Variants in RABGAP1L observed in about 807,000 individuals in gnomAD.
The protein encoded by RABGAP1L is RAB GTPase activating protein 1 like, also known as rab GTPase-activating protein 1-like.
A neutral mutation model predicts 137.7 loss-of-function variants in RABGAP1L; 63 were observed. The ratio of observed to expected loss-of-function variants is 0.46; its 90% CI spans 0.37 to 0.56. The LOEUF (loss-of-function observed/expected upper bound fraction) is 0.56. Among genes scored for constraint, RABGAP1L ranks in the 20% least tolerant of loss-of-function variants. RABGAP1L has a pLI of 0.00. For missense variants in RABGAP1L, 1,095 were observed against 1,244.0 expected, an observed-to-expected ratio of 0.88 and a Z score of 1.80; for synonymous variants, 431 against 433.7, an observed-to-expected ratio of 0.99 and a Z score of 0.08.
chr1:174,515,123 A>G (rs1195771884), intron 13 of RABGAP1L, among the ~76,000 whole-genome samples: 2 of 152,104 alleles, frequency 1.3e-5, no homozygotes, highest in Admixed American at 6.6e-5. Flanking sequence ...ATGCGTTGTT[A>G]TTTACTATAG....
At chr1:174,505,368 A>T (rs1661721874) in intron 13 of RABGAP1L, among the ~76,000 whole-genome samples, 1 of 152,182 alleles carries the variant, frequency 6.6e-6, no homozygotes, top group Non-Finnish European at 1.5e-5. Flanking sequence ...CGTTTACTCT[A>T]GCCAGTTCTT....
intron 15 of RABGAP1L, among the ~76,000 whole-genome samples, chr1:174,696,734 G>A (rs1359652342): frequency 6.6e-6 from 1 of 152,226 alleles, no homozygotes; most frequent in Non-Finnish European, 1.5e-5. Context: ...TCTACACAGT[G>A]CTGGGGGGAT....
At chr1:174,743,327 G>C (rs768099878) in intron 17 of RABGAP1L, among the ~76,000 whole-genome samples, 1 of 151,982 alleles carries the variant, frequency 6.6e-6, no homozygotes, top group Non-Finnish European at 1.5e-5. Flanking sequence ...TTTTTTTTGA[G>C]AGACCTGAAG....
At chr1:174,486,454 C>T (rs906260932) in intron 13 of RABGAP1L, among the ~76,000 whole-genome samples, 2 of 150,962 alleles carry the variant, frequency 1.3e-5, no homozygotes, top group African/African-American at 2.4e-5. Flanking sequence ...TCGTGCCATT[C>T]TCCTGCCTCA....
chr1:174,629,852 G>A (rs1673207941), intron 13 of RABGAP1L, among the ~76,000 whole-genome samples: 1 of 152,112 alleles, frequency 6.6e-6, no homozygotes, highest in East Asian at 1.9e-4. Flanking sequence ...AGGACAAGGT[G>A]ATTTTATTTT....
chr1:174,485,038 G>A (rs552115001), intron 13 of RABGAP1L, among the ~76,000 whole-genome samples: 17 of 152,158 alleles, frequency 1.1e-4, no homozygotes, highest in Non-Finnish European at 2.2e-4. Flanking sequence ...TCTTTCAAAA[G>A]TGTTTCATAG....
chr1:174,453,087 C>A (rs115206224), intron 13 of RABGAP1L, among the ~76,000 whole-genome samples: 230 of 152,240 alleles, frequency 1.5e-3, no homozygotes, highest in African/African-American at 5.3e-3. Context: ...ATGAAGACAT[C>A]GTTTGAGATT....
chr1:174,552,694 A>G (rs981814965), intron 13 of RABGAP1L, among the ~76,000 whole-genome samples: 4 of 152,186 alleles, frequency 2.6e-5, no homozygotes, highest in African/African-American at 7.2e-5. Context: ...ATATGCGTGC[A>G]TGCGTCTTTA....
In RABGAP1L at chr1:174,287,122, G is replaced by A. The variant is rs139044247; in HGVS notation, c.1323+8343G>A. ...CTGCATGATCTATCTACTGTCAAGA[G>A]TGGCATAATAAAGTCCCCTTTATTA... On this transcript the variant is annotated intron_variant, in intron 10 of 25. Coordinates refer to ENST00000681986, the MANE Select transcript of RABGAP1L (RefSeq NM_001366446.1). Among the ~76,000 whole-genome samples the A allele has an allele frequency of 3.3e-5, 5 of 152,218 alleles. No homozygotes were observed. The East Asian group carries it at 7.7e-4, about 24-fold the overall frequency.
intron 19 of RABGAP1L, among the ~76,000 whole-genome samples, chr1:174,885,220 A>T (rs913772423): frequency 2.0e-5 from 3 of 152,230 alleles, no homozygotes; most frequent in Non-Finnish European, 2.9e-5. Context: ...ACTCTTACAG[A>T]ATCATGTTAG....
intron 13 of RABGAP1L, among the ~76,000 whole-genome samples, chr1:174,452,783 G>T (rs924977982): frequency 6.6e-5 from 10 of 152,098 alleles, no homozygotes; most frequent in Admixed American, 6.5e-4. Context: ...GGATGGTCTT[G>T]ATCTCCTGAC....
intron 13 of RABGAP1L, among the ~76,000 whole-genome samples, chr1:174,462,936 G>C (rs1159594719): frequency 6.6e-6 from 1 of 152,204 alleles, no homozygotes; most frequent in Non-Finnish European, 1.5e-5. Context: ...GGCCATCAGA[G>C]AAATGCAAAT....
At chr1:174,494,267 G>T (rs1660547095) in intron 13 of RABGAP1L, among the ~76,000 whole-genome samples, 1 of 152,150 alleles carries the variant, frequency 6.6e-6, no homozygotes, top group African/African-American at 2.4e-5. Context: ...TTTCCCTTGG[G>T]ACAATAGGTG....
At chr1:174,924,579 T>C (rs1662397598) in intron 19 of RABGAP1L, among the ~76,000 whole-genome samples, 1 of 152,090 alleles carries the variant, frequency 6.6e-6, no homozygotes, top group Non-Finnish European at 1.5e-5. Flanking sequence ...CTCAGATGTA[T>C]TACTTTTCCC....
At chr1:174,916,553 C>T (rs895356776) in intron 19 of RABGAP1L, among the ~76,000 whole-genome samples, 2 of 152,084 alleles carry the variant, frequency 1.3e-5, no homozygotes, top group African/African-American at 2.4e-5. Context: ...TATTAAAATA[C>T]AGGTTAACGA....
intron 15 of RABGAP1L, among the ~76,000 whole-genome samples, chr1:174,699,166 T>A (rs1405079155): frequency 6.6e-6 from 1 of 152,012 alleles, no homozygotes; most frequent in Non-Finnish European, 1.5e-5. Context: ...CTAATTTTTT[T>A]ATTCTTTGTA....
At chr1:174,346,503 T>C (rs1372351686) in intron 11 of RABGAP1L, among the ~76,000 whole-genome samples, 1 of 152,180 alleles carries the variant, frequency 6.6e-6, no homozygotes. Context: ...TATCCATTTA[T>C]TCTAAGTTTT....
chr1:174,957,378 A>G (rs1236050852), intron 19 of RABGAP1L, 79 bp from the exon 20 acceptor site: 35 of 1,162,356 alleles, frequency 3.0e-5, no homozygotes, highest in Non-Finnish European at 4.2e-5. Flanking sequence ...AATGCCAGAA[A>G]TTTAACTAGC....
chr1:174,978,264 C>T (rs1197810214), intron 22 of RABGAP1L, among the ~76,000 whole-genome samples: 2 of 152,202 alleles, frequency 1.3e-5, no homozygotes, highest in African/African-American at 4.8e-5. Flanking sequence ...TTAGCTCCTT[C>T]TAAAGTCAGT....
Sources: allele counts gnomAD v4.1 joint callset (sites outside exome capture counted in the v4.1 genomes callset), GRCh38; gene constraint gnomAD v4.1.1; transcripts MANE v1.5; gene names NCBI Gene and HGNC (gene_info 2026-07-23, HGNC 2026-07-21).